The following DNAH14 variants were observed in gnomAD, a reference collection of about 807,000 sequenced individuals.
The protein encoded by DNAH14 is dynein axonemal heavy chain 14.
In DNAH14, 478 loss-of-function variants were observed where a neutral mutation model predicts 520.9. The observed-to-expected ratio is 0.92, with a 90% CI of 0.85 to 0.99. DNAH14 has a LOEUF of 0.99. DNAH14 is among the 50% of genes least tolerant of loss of function. DNAH14 has a pLI of 0.00. For synonymous variants in DNAH14, 1,581 were observed against 1,757.2 expected, an observed-to-expected ratio of 0.90 and a Z score of 2.51; for missense variants, 4,831 against 5,234.5, an observed-to-expected ratio of 0.92 and a Z score of 2.38.
At chr1:225,342,612 C>G (rs147206497) in intron 69 of DNAH14, among the ~76,000 whole-genome samples, 251 of 151,702 alleles carry the variant, frequency 1.7e-3, no homozygotes, top group African/African-American at 5.7e-3. Context: ...GATTCTTTTT[C>G]TTAATGCCAG....
intron 37 of DNAH14, among the ~76,000 whole-genome samples, chr1:225,188,833 A>G (rs1323931819): frequency 6.6e-6 from 1 of 151,840 alleles, no homozygotes; most frequent in East Asian, 1.9e-4. Flanking sequence ...ATGTCTTTCC[A>G]TTTTTATATC....
intron 60 of DNAH14, among the ~76,000 whole-genome samples, chr1:225,315,874 G>A (rs924692524): frequency 3.9e-5 from 6 of 152,244 alleles, no homozygotes; most frequent in African/African-American, 1.4e-4. Context: ...TCCCTGCTGG[G>A]AAGTGTCTCC....
At chr1:225,343,214 A>G (rs1039849232) in intron 69 of DNAH14, among the ~76,000 whole-genome samples, 11 of 152,202 alleles carry the variant, frequency 7.2e-5, no homozygotes, top group Non-Finnish European at 1.2e-4. Context: ...TGTGATGGGG[A>G]GTTCCAGTAT....
At chr1:225,333,750 C>T (rs953875180) in intron 66 of DNAH14, among the ~76,000 whole-genome samples, 8 of 151,996 alleles carry the variant, frequency 5.3e-5, no homozygotes, top group African/African-American at 1.9e-4. Flanking sequence ...CATTGTAATC[C>T]TACTACCCTG....
chr1:225,308,229 GA>G, intron 59 of DNAH14, 55 bp from the exon 60 acceptor site: 1 of 1,473,942 alleles, frequency 6.8e-7, no homozygotes, highest in Non-Finnish European at 9.0e-7. Context: ...TGCTCTTTTA[GA>G]AAAGAGATCA....
At position 225,140,833 on chromosome 1, in the gene DNAH14, G is replaced by A. The variant is rs2079386557; in HGVS notation, c.4320G>A (p.Leu1440=). The A allele has an allele frequency of 6.4e-7, 1 of 1,550,818 alleles. No homozygotes were observed. Among genetic ancestry groups the A allele is most frequent in the African/African-American group, 1.4e-5 (1 of 72,986 alleles). The stretch of plus-strand genomic sequence containing the variant: ...TGAGTTCTTATTCAAGAGAAAAATT[G>A]GAAAAAGTCCACGCTGGTCTGATGT... ...SFVSSYSREK[L]EKVHAGLMCH... Residue 1440 remains leucine, a synonymous_variant, in exon 28 of 86, where the codon TTG becomes TTA. Coordinates refer to ENST00000682510, the MANE Select transcript of DNAH14 (RefSeq NM_001367479.1).
chr1:224,944,043 A>G (rs542807695), intron 1 of DNAH14, among the ~76,000 whole-genome samples: 2 of 152,098 alleles, frequency 1.3e-5, no homozygotes, highest in East Asian at 1.9e-4. Context: ...CAATTCCTGG[A>G]TATCCTTGTT....
chr1:225,287,167 A>G (rs7528522), intron 54 of DNAH14, among the ~76,000 whole-genome samples: 2,025 of 152,312 alleles, frequency 0.013, 52 homozygotes, highest in African/African-American at 0.047. Flanking sequence ...GTCAAAGCCC[A>G]TAGAACTTGA....
At chr1:225,394,843 A>G (rs1256588078) in intron 84 of DNAH14, among the ~76,000 whole-genome samples, 12 of 89,040 alleles carry the variant, frequency 1.3e-4, no homozygotes, top group Admixed American at 1.2e-3. Context: ...GACTCTGTCT[A>G]AAAAAAAAAA....
At chr1:225,041,152 A>C (rs752195505) in intron 12 of DNAH14, among the ~76,000 whole-genome samples, 2 of 152,210 alleles carry the variant, frequency 1.3e-5, no homozygotes, top group Non-Finnish European at 2.9e-5. Flanking sequence ...CTTTTGTCCC[A>C]TAGCCCAAGT....
At chr1:225,185,944 T>C (rs978654603) in intron 37 of DNAH14, among the ~76,000 whole-genome samples, 6 of 96,204 alleles carry the variant, frequency 6.2e-5, no homozygotes, top group African/African-American at 2.5e-4. Context: ...GCATTACACT[T>C]TGTTTTTTTT....
At chr1:225,298,326 G>A (rs996879647) in intron 55 of DNAH14, among the ~76,000 whole-genome samples, 25 of 152,290 alleles carry the variant, frequency 1.6e-4, no homozygotes, top group African/African-American at 5.8e-4. Flanking sequence ...GCATGGGCAT[G>A]TAGCACTCTG....
chr1:225,085,297 A>G (rs1180677409), intron 20 of DNAH14, among the ~76,000 whole-genome samples: 3 of 152,224 alleles, frequency 2.0e-5, no homozygotes, highest in South Asian at 2.1e-4. Flanking sequence ...ATAACTGGCT[A>G]GAATCAGAGG....
At chr1:225,037,923 T>A (rs1018053233) in intron 11 of DNAH14, among the ~76,000 whole-genome samples, 4 of 152,016 alleles carry the variant, frequency 2.6e-5, no homozygotes, top group African/African-American at 9.7e-5. Context: ...CCTCAGGTGA[T>A]CTGATCTGCC....
intron 23 of DNAH14, among the ~76,000 whole-genome samples, chr1:225,110,971 T>C (rs982526796): frequency 6.6e-6 from 1 of 152,136 alleles, no homozygotes; most frequent in Non-Finnish European, 1.5e-5. Context: ...TTTATTCCAT[T>C]GTGGTCAGAA....
rs376558673 is a variant in DNAH14, at chr1:225,043,078, A to G, written c.1732A>G (p.Lys578Glu). 40 of 1,551,240 alleles carry G rather than the reference A, an allele frequency of 2.6e-5. No homozygotes were observed. The African/African-American group carries it at 3.7e-4, about 14-fold the overall frequency. ...ATTGCTCCCAAAAGCCAAGAAATCA[A>G]AAGAAATTAGTTACAATCTTGAAGA... ...EELLPKAKKSKEISYNLEDII... is the reference protein window; with the variant it reads ...EELLPKAKKSEEISYNLEDII... Residue 578 changes from lysine (K) to glutamate (E), a missense_variant, in exon 13 of 86, where the codon AAA (lysine) becomes GAA (glutamate). By Grantham distance (56) the Lys-to-Glu change is moderately conservative (BLOSUM62 1). Transcript: ENST00000682510.
chr1:225,142,587 G>A (rs2079553494), intron 28 of DNAH14, among the ~76,000 whole-genome samples: 1 of 152,158 alleles, frequency 6.6e-6, no homozygotes, highest in South Asian at 2.1e-4. Context: ...GGTTTGGTAA[G>A]TGGTGCAGTA....
intron 64 of DNAH14, 57 bp from the exon 65 acceptor site, chr1:225,331,380 C>A (rs1446155498): frequency 2.0e-6 from 3 of 1,508,710 alleles, no homozygotes; most frequent in Non-Finnish European, 2.7e-6. Flanking sequence ...CAGCTAAAGT[C>A]TTGAAGCAAA....
At position 225,119,258 on chromosome 1, in the gene DNAH14, T is replaced by C. The variant is rs199634734; in HGVS notation, c.4130T>C (p.Val1377Ala). 27 of 1,526,526 alleles carry C rather than the reference T, an allele frequency of 1.8e-5. No homozygotes were observed. The African/African-American group carries it at 3.3e-4, about 19-fold the overall frequency. The allele number at this position is 1,526,526 out of a possible 1,614,324, so 94.6% of individuals were successfully genotyped here. A position where few individuals can be genotyped will look rare whatever the true frequency, so the allele number is the denominator to read the frequency against. The change falls in exon 26 of 86, where the codon GTA (valine) becomes GCA (alanine). Residue 1377 changes from valine (V) to alanine (A), a missense_variant. Transcript: ENST00000682510. ...AGAAGTGCTGTAGAACAGTGGCTGG[T>C]AAATGTAGAAAAAAGCATGTTCGAT... ...RVRSAVEQWLVNVEKSMFDVL... is the reference protein window; with the variant it reads ...RVRSAVEQWLANVEKSMFDVL...
Sources: gnomAD v4.1 joint callset for allele counts (sites outside exome capture counted in the v4.1 genomes callset) on GRCh38, gnomAD v4.1.1 for gene constraint, MANE v1.5 for transcripts, NCBI Gene and HGNC (gene_info 2026-07-23, HGNC 2026-07-21) for gene names.